EFNA5: variants seen among roughly 807,000 people sequenced by gnomAD.
The protein encoded by EFNA5 is ephrin A5.
In EFNA5, 5 loss-of-function variants were observed where a neutral mutation model predicts 22.9. That is an observed-to-expected ratio of 0.22 (90% CI 0.11 to 0.46). The LOEUF (loss-of-function observed/expected upper bound fraction) is 0.46. EFNA5 is among the 20% of genes least tolerant of loss of function. EFNA5 has a pLI of 0.99. For missense variants in EFNA5, 237 were observed against 293.3 expected (o/e 0.81, Z 1.40); for synonymous variants, 113 against 112.2 (o/e 1.01, Z -0.04).
rs139067951 is a variant in EFNA5 at position 107,476,473 on chromosome 5, C to T, written c.126-48964G>A. Among the ~76,000 whole-genome samples, 144 of 152,226 alleles carry T rather than the reference C, an allele frequency of 9.5e-4. No homozygotes were observed. The East Asian group carries it at 0.022, about 23-fold the overall frequency. ...GAGCTGTTCAAGTGATAAACAAAAT[C>T]ATCAGGTGGCTTGTTTAGAGTTTCA... On this transcript the variant is annotated intron_variant, in intron 1 of 4. Transcript: ENST00000333274.
chr5:107,500,328 C>T (rs951534539), intron 1 of EFNA5, among the ~76,000 whole-genome samples: 9 of 152,326 alleles, frequency 5.9e-5, no homozygotes, highest in East Asian at 1.9e-4. Flanking sequence ...ACAATGTATA[C>T]GTATATCTGC....
intron 1 of EFNA5, among the ~76,000 whole-genome samples, chr5:107,571,620 G>A (rs536727865): frequency 1.4e-3 from 218 of 151,968 alleles, no homozygotes; most frequent in African/African-American, 5.0e-3. Context: ...GCCACCCTGG[G>A]AACCAGACAC....
intron 1 of EFNA5, among the ~76,000 whole-genome samples, chr5:107,571,064 A>T (rs11951912): frequency 0.027 from 4,089 of 152,266 alleles, 188 homozygotes; most frequent in African/African-American, 0.094. Flanking sequence ...GAAGTAGCAC[A>T]TCAGTATTTT....
At chr5:107,508,056 C>A (rs892097365) in intron 1 of EFNA5, among the ~76,000 whole-genome samples, 1 of 152,034 alleles carries the variant, frequency 6.6e-6, no homozygotes, top group Non-Finnish European at 1.5e-5. Flanking sequence ...GAAAGTCTCA[C>A]AGAAAAAAAT....
chr5:107,558,909 G>A (rs1174723051), intron 1 of EFNA5, among the ~76,000 whole-genome samples: 4 of 152,218 alleles, frequency 2.6e-5, no homozygotes, highest in Non-Finnish European at 5.9e-5. Flanking sequence ...ACAAAAGAAA[G>A]TTGGTTTACA....
At chr5:107,439,348 C>T (rs1749196761) in intron 1 of EFNA5, among the ~76,000 whole-genome samples, 1 of 152,170 alleles carries the variant, frequency 6.6e-6, no homozygotes, top group South Asian at 2.1e-4. Flanking sequence ...GAAAATAAAT[C>T]TCTGTTGTTT....
chr5:107,412,093 C>T (rs945220413), intron 2 of EFNA5, among the ~76,000 whole-genome samples: 3 of 152,052 alleles, frequency 2.0e-5, no homozygotes, highest in African/African-American at 7.2e-5. Context: ...AAAAAAATAG[C>T]TCTTAAAGTC....
At chr5:107,527,135 T>A (rs2112448478) in intron 1 of EFNA5, among the ~76,000 whole-genome samples, 1 of 152,316 alleles carries the variant, frequency 6.6e-6, no homozygotes, top group Admixed American at 6.5e-5. Context: ...GCATTTTGTC[T>A]ATTAGCCAGA....
intron 1 of EFNA5, among the ~76,000 whole-genome samples, chr5:107,650,737 G>A (rs1325329158): frequency 6.6e-6 from 1 of 152,172 alleles, no homozygotes. Context: ...GGAATATCCA[G>A]AATTTCTTCT....
rs1395921915 is a variant in EFNA5 at position 107,380,009 on chromosome 5, G to T, written c.*1246C>A. Reference sequence around the variant, plus strand: ...CTTTAGGCTGTGTCAGAAAGGGAAAGAATATAAAATCAACACTTGAATTTT... The same window carrying T: ...CTTTAGGCTGTGTCAGAAAGGGAAATAATATAAAATCAACACTTGAATTTT... On this transcript the variant is annotated 3_prime_UTR_variant, in exon 5 of 5. Coordinates refer to ENST00000333274, the MANE Select transcript of EFNA5 (RefSeq NM_001962.3). 6.6e-6 allele frequency: 1 copy of T among 152,120 alleles called. No homozygotes were observed. Among genetic ancestry groups the T allele is most frequent in the Admixed American group, 6.5e-5 (1 of 15,272 alleles). The allele number at this position is 152,120 out of a possible 1,614,324, so 9.4% of individuals were successfully genotyped here. A position where few individuals can be genotyped will look rare whatever the true frequency, so the allele number is the denominator to read the frequency against.
In EFNA5 at chr5:107,397,125, T is replaced by C. The variant is rs1011677337; in HGVS notation, c.419-9354A>G. Among the ~76,000 whole-genome samples, 4 of 151,986 alleles carry C rather than the reference T, an allele frequency of 2.6e-5. No homozygotes were observed. In the South Asian group the frequency reaches 8.3e-4, roughly 32 times the overall value. On this transcript the variant is annotated intron_variant, in intron 2 of 4. Coordinates refer to ENST00000333274, the MANE Select transcript of EFNA5 (RefSeq NM_001962.3). ...TACTATTTGGGTTAGCCTGGTGCAA[T>C]GCCTATAGTCCCAACTACTAGGGAG... is the stretch of plus-strand genomic sequence containing the variant.
chr5:107,515,179 C>A (rs937537952), intron 1 of EFNA5, among the ~76,000 whole-genome samples: 1 of 150,632 alleles, frequency 6.6e-6, no homozygotes, highest in African/African-American at 2.4e-5. Flanking sequence ...GGATTACAGG[C>A]GACTGAGCCA....
At chr5:107,581,309 A>C (rs1265292951) in intron 1 of EFNA5, among the ~76,000 whole-genome samples, 1 of 152,224 alleles carries the variant, frequency 6.6e-6, no homozygotes, top group African/African-American at 2.4e-5. Context: ...CCCACTTGCT[A>C]AACTTTCATT....
intron 1 of EFNA5, among the ~76,000 whole-genome samples, chr5:107,652,979 A>AGGGATG (rs1298337550): frequency 2.0e-5 from 3 of 151,852 alleles, no homozygotes; most frequent in African/African-American, 7.3e-5. Flanking sequence ...GTTCTCCCTC[A>AGGGATG]CCCATCTGAT....
intron 2 of EFNA5, among the ~76,000 whole-genome samples, chr5:107,418,261 T>C (rs1748558132): frequency 1.3e-5 from 2 of 152,220 alleles, no homozygotes; most frequent in African/African-American, 4.8e-5. Context: ...TATTTCCTTT[T>C]TTCCTGGCAT....
chr5:107,607,648 A>G (rs1749751781), intron 1 of EFNA5, among the ~76,000 whole-genome samples: 3 of 152,226 alleles, frequency 2.0e-5, no homozygotes, highest in Admixed American at 2.0e-4. Flanking sequence ...TCAGCTAAAA[A>G]TTCAAAGTTG....
At chr5:107,591,842 T>TATAATATAA (rs1749332225) in intron 1 of EFNA5, among the ~76,000 whole-genome samples, 2 of 95,456 alleles carry the variant, frequency 2.1e-5, no homozygotes, top group African/African-American at 8.5e-5. Flanking sequence ...TATATATATA[T>TATAATATAA]AAAATATATA....
At chr5:107,463,565 C>T (rs1234821632) in intron 1 of EFNA5, among the ~76,000 whole-genome samples, 1 of 151,984 alleles carries the variant, frequency 6.6e-6, no homozygotes, top group Admixed American at 6.6e-5. Context: ...CACTCGGATT[C>T]AGTAAGAAAT....
chr5:107,576,127 C>A (rs527299048), intron 1 of EFNA5, among the ~76,000 whole-genome samples: 3 of 152,258 alleles, frequency 2.0e-5, no homozygotes, highest in Middle Eastern at 3.4e-3. Flanking sequence ...CGGCAGGGTA[C>A]AAAATGGGTT....
Sources: allele counts gnomAD v4.1 joint callset (sites outside exome capture counted in the v4.1 genomes callset), GRCh38; gene constraint gnomAD v4.1.1; transcripts MANE v1.5; gene names NCBI Gene and HGNC (gene_info 2026-07-23, HGNC 2026-07-21).